DOCK3: variants seen among roughly 807,000 people sequenced by gnomAD.
DOCK3 encodes the protein dedicator of cytokinesis 3.
A neutral mutation model predicts 265.6 loss-of-function variants in DOCK3; 60 were observed. The ratio of observed to expected loss-of-function variants is 0.23; its 90% confidence interval spans 0.18 to 0.28. The LOEUF is 0.28. Among genes scored for constraint, DOCK3 ranks in the 10% least tolerant of loss-of-function variants. The pLI is 1.00. For missense variants in DOCK3, 1,981 were observed against 2,594.3 expected (o/e 0.76, Z 5.14); for synonymous variants, 881 against 938.0 (o/e 0.94, Z 1.11).
intron 9 of DOCK3, among the ~76,000 whole-genome samples, chr3:51,139,459 T>G (rs2084951977): frequency 6.6e-6 from 1 of 152,180 alleles, no homozygotes; most frequent in East Asian, 1.9e-4. Context: ...GATGGTGATG[T>G]ACCCGTCCAT....
At chr3:50,816,321 C>CTT (rs2044074289) in intron 2 of DOCK3, among the ~76,000 whole-genome samples, 1 of 116,916 alleles carries the variant, frequency 8.6e-6, no homozygotes, top group African/African-American at 2.9e-5. Context: ...GTTCTTGTAA[C>CTT]TCTTTTTTTT....
chr3:51,032,815 G>A (rs1180782320), intron 5 of DOCK3, among the ~76,000 whole-genome samples: 1 of 152,162 alleles, frequency 6.6e-6, no homozygotes, highest in Non-Finnish European at 1.5e-5. Context: ...GGGAGGCTAA[G>A]GTGGGAGGAT....
chr3:50,884,786 A>G (rs1467983326), intron 3 of DOCK3, among the ~76,000 whole-genome samples: 2 of 152,010 alleles, frequency 1.3e-5, no homozygotes, highest in Non-Finnish European at 2.9e-5. Context: ...AACATTGTGC[A>G]GAAAGTACAG....
chr3:51,193,817 T>C (rs1197644780), intron 12 of DOCK3, among the ~76,000 whole-genome samples: 2 of 150,434 alleles, frequency 1.3e-5, no homozygotes, highest in African/African-American at 2.4e-5. Flanking sequence ...TTTTTTTTTT[T>C]CTTGGTTAGT....
intron 1 of DOCK3, among the ~76,000 whole-genome samples, chr3:50,752,726 C>T (rs1333203426): frequency 6.6e-6 from 1 of 151,694 alleles, no homozygotes; most frequent in African/African-American, 2.4e-5. Context: ...TGCACAGAGC[C>T]GAGATCGCAC....
At chr3:51,249,326 T>TG (rs1455555983) in intron 22 of DOCK3, among the ~76,000 whole-genome samples, 1 of 59,992 alleles carries the variant, frequency 1.7e-5, no homozygotes, top group Non-Finnish European at 3.4e-5. Context: ...GGGAGGGAGG[T>TG]GGGGGGTTCA....
chr3:51,350,419 A>G (rs746952180), intron 40 of DOCK3, 27 bp downstream of exon 40: 11 of 1,596,726 alleles, frequency 6.9e-6, no homozygotes, highest in East Asian at 6.7e-5. Context: ...GGTCACAAGA[A>G]CTTATATATT....
intron 5 of DOCK3, among the ~76,000 whole-genome samples, chr3:51,018,403 G>C (rs1169656311): frequency 1.3e-5 from 2 of 149,666 alleles, no homozygotes; most frequent in African/African-American, 5.0e-5. Flanking sequence ...TCCAAGAAGA[G>C]CCTGGGCAAC....
At chr3:51,029,815 GCAGTGGTACCA>G (rs909139962) in intron 5 of DOCK3, among the ~76,000 whole-genome samples, 10 of 152,150 alleles carry the variant, frequency 6.6e-5, no homozygotes, top group African/African-American at 2.4e-4. Context: ...TCTCATCAGG[GCAGTGGTACCA>G]CATGTGCACA....
chr3:51,173,078 CTGATTT>C (rs1421473588), intron 12 of DOCK3, among the ~76,000 whole-genome samples: 1 of 152,086 alleles, frequency 6.6e-6, no homozygotes, highest in African/African-American at 2.4e-5. Flanking sequence ...TCACAGTATT[CTGATTT>C]TGACTGTATA....
intron 25 of DOCK3, among the ~76,000 whole-genome samples, chr3:51,276,135 A>G (rs2080806498): frequency 6.6e-6 from 1 of 152,188 alleles, no homozygotes; most frequent in Non-Finnish European, 1.5e-5. Context: ...AAAAAAGAGT[A>G]TATTTTGTTC....
At chr3:50,757,305 G>A (rs2040222618) in intron 1 of DOCK3, among the ~76,000 whole-genome samples, 1 of 150,974 alleles carries the variant, frequency 6.6e-6, no homozygotes, top group Non-Finnish European at 1.5e-5. Flanking sequence ...CTAAGTAGCT[G>A]GGATTACAGG....
chr3:50,827,264 T>C (rs966870641), intron 2 of DOCK3, among the ~76,000 whole-genome samples: 2 of 152,184 alleles, frequency 1.3e-5, no homozygotes, highest in African/African-American at 4.8e-5. Context: ...AACAATACTA[T>C]AGGCTGGGTA....
chr3:50,941,497 A>C (rs2076293929), intron 5 of DOCK3, among the ~76,000 whole-genome samples: 1 of 152,106 alleles, frequency 6.6e-6, no homozygotes, highest in African/African-American at 2.4e-5. Context: ...TTGGAGAAAA[A>C]TTTGGACTTT....
chr3:51,113,834 G>C (rs754454739), intron 9 of DOCK3, among the ~76,000 whole-genome samples: 1 of 152,190 alleles, frequency 6.6e-6, no homozygotes, highest in Non-Finnish European at 1.5e-5. Flanking sequence ...GAGTTTGTTA[G>C]AAATTGATTG....
At chr3:51,247,213 A>T (rs1382869559) in intron 22 of DOCK3, among the ~76,000 whole-genome samples, 1 of 152,208 alleles carries the variant, frequency 6.6e-6, no homozygotes, top group Non-Finnish European at 1.5e-5. Context: ...AACTGTTTTA[A>T]GTAAAAAGAG....
At chr3:51,253,122 A>G (rs1576551023) in intron 22 of DOCK3, among the ~76,000 whole-genome samples, 1 of 152,182 alleles carries the variant, frequency 6.6e-6, no homozygotes, top group African/African-American at 2.4e-5. Context: ...TGAGATAATC[A>G]TGTGGTTTTT....
chr3:51,134,413 G>T (rs1328918000), intron 9 of DOCK3, among the ~76,000 whole-genome samples: 2 of 152,192 alleles, frequency 1.3e-5, no homozygotes, highest in Non-Finnish European at 2.9e-5. Flanking sequence ...ATTTACTCAT[G>T]TGTCTGTTTT....
At chr3:50,803,108 G>C (rs1294257094) in intron 2 of DOCK3, among the ~76,000 whole-genome samples, 2 of 150,188 alleles carry the variant, frequency 1.3e-5, no homozygotes, top group Non-Finnish European at 3.0e-5. Flanking sequence ...ATCATTCTTG[G>C]GTGTTTCTCG....
Sources: allele counts gnomAD v4.1 joint callset (sites outside exome capture counted in the v4.1 genomes callset), GRCh38; gene constraint gnomAD v4.1.1; transcripts MANE v1.5; gene names NCBI Gene and HGNC (gene_info 2026-07-23, HGNC 2026-07-21).